Variants in GNAS observed in about 807,000 individuals in gnomAD.
GNAS encodes GNAS complex locus, also known as protein ALEX.
GNAS carries 8 observed loss-of-function variants against 54.5 expected under a neutral mutation model. That is an observed-to-expected ratio of 0.15 (90% confidence interval 0.09 to 0.26). GNAS has a LOEUF of 0.26. Among genes scored for constraint, GNAS ranks in the 10% least tolerant of loss-of-function variants. The pLI is 1.00. For synonymous variants in GNAS, 204 were observed against 191.4 expected (o/e 1.07, Z -0.54); for missense variants, 170 against 529.8 (o/e 0.32, Z 6.67).
At chr20:58,871,004 G>A (rs2087405829) in intron 1 of GNAS, among the ~76,000 whole-genome samples, 1 of 152,128 alleles carries the variant, frequency 6.6e-6, no homozygotes, top group Admixed American at 6.5e-5. Context: ...CATGAATCAT[G>A]GTGTGCAGTT....
chr20:58,896,212 G>A (rs1266901793), intron 2 of GNAS, among the ~76,000 whole-genome samples: 3 of 136,814 alleles, frequency 2.2e-5, no homozygotes, highest in Admixed American at 7.6e-5. Context: ...GTGGCAGCCC[G>A]TGTTTACAGT....
chr20:58,840,701 A>G (rs1343387357), upstream of GNAS: 2 of 1,604,214 alleles, frequency 1.2e-6, no homozygotes, highest in South Asian at 1.1e-5. The surrounding 1 kb of genome is among the most constrained non-coding windows in gnomAD (Gnocchi z 6.0). Flanking sequence ...GCCCGAGGAC[A>G]AAGATCCAAG....
At chr20:58,855,677 G>C in intron 1 of GNAS, 1 of 688,854 alleles carries the variant, frequency 1.5e-6, no homozygotes. Flanking sequence ...GGGGCCCCGG[G>C]GCCCCGGGAC....
At chr20:58,906,623 C>T (rs1459621480) in intron 6 of GNAS, among the ~76,000 whole-genome samples, 2 of 152,182 alleles carry the variant, frequency 1.3e-5, no homozygotes, top group Non-Finnish European at 2.9e-5. Context: ...CCTCTGCCTC[C>T]TGGGTTCAAG....
At chr20:58,889,881 A>G (rs1474909017), upstream of GNAS, among the ~76,000 whole-genome samples, 1 of 151,508 alleles carries the variant, frequency 6.6e-6, no homozygotes, top group Non-Finnish European at 1.5e-5. Flanking sequence ...CCGGGCCACC[A>G]TGCTGAAGAT....
chr20:58,857,634 C>T lies in GNAS; in HGVS notation c.43+16748C>T, dbSNP rs978619166. ...ATCTCCACTAAGGAATGCTTTTGCA[C>T]CATGATTTGAGTCTTCTATTCTTCC... On this transcript the variant is annotated intron_variant, in intron 1 of 12. Coordinates refer to the GNAS transcript ENST00000306090. This position sits in a 1 kb window ranked among gnomAD's most constrained non-coding sequence, Gnocchi z 4.1. Among the ~76,000 whole-genome samples the T allele has an allele frequency of 3.3e-5, 5 of 152,114 alleles. No individual in the cohort carries two copies. Among genetic ancestry groups the T allele is most frequent in the Non-Finnish European group, 5.9e-5 (4 of 68,032 alleles).
At chr20:58,893,298 C>T (rs1394900712) in intron 1 of GNAS, among the ~76,000 whole-genome samples, 2 of 151,750 alleles carry the variant, frequency 1.3e-5, no homozygotes, top group Admixed American at 6.6e-5. Flanking sequence ...GATGGCCTTT[C>T]CTCCTTTTTT....
chr20:58,858,103 G>T (rs2086591338), intron 1 of GNAS, among the ~76,000 whole-genome samples: 1 of 152,128 alleles, frequency 6.6e-6, no homozygotes, highest in South Asian at 2.1e-4. Context: ...ATTATTGATG[G>T]GGGACAGGGA....
At chr20:58,889,414 C>T (rs2088892572), upstream of GNAS, 1 of 977,554 alleles carries the variant, frequency 1.0e-6, no homozygotes, top group African/African-American at 1.8e-5. Context: ...CAGGCAAGAG[C>T]CGCCGGGTCC....
intron 1 of GNAS, chr20:58,852,891 A>G: frequency 2.2e-6 from 1 of 448,318 alleles, no homozygotes; most frequent in Non-Finnish European, 3.2e-6. Flanking sequence ...AGAGAGCGCT[A>G]CTGGCGATTT....
In GNAS at chr20:58,891,590, G is replaced by T. The variant is rs1355900229; in HGVS notation, c.-137G>T. ...CGGCCCGCGGCCCGCAGTCCGCCCC[G>T]CGCGCTCCTTGCCGAGGAGCCGAGC... On this transcript the variant is annotated 5_prime_UTR_variant, in exon 1 of 13. Transcript: ENST00000371085. The T allele has an allele frequency of 1.4e-5, 14 of 969,664 alleles. No individual in the cohort carries two copies. The highest frequency in any genetic ancestry group is 1.6e-5 in the Non-Finnish European group (13 of 821,854). The allele number at this position is 969,664 out of a possible 1,614,324, so 60.1% of individuals were successfully genotyped here.
In GNAS at chr20:58,873,492, T is replaced by C. The variant is rs1159374802; in HGVS notation, c.44-22120T>C. Among the ~76,000 whole-genome samples, 2 of 152,234 alleles carry C rather than the reference T, an allele frequency of 1.3e-5. No individual in the cohort carries two copies. The highest frequency in any genetic ancestry group is 4.8e-5 in the African/African-American group (2 of 41,460). On this transcript the variant is annotated intron_variant, in intron 1 of 12. Transcript: ENST00000306090. The surrounding 1 kb of genome is among the most constrained non-coding windows in gnomAD (Gnocchi z 4.3). ...GCATGGAATCCTGCCCAGTCCTTGG[T>C]ACACAGGGACTAGCACATGTACCCA... is the stretch of plus-strand genomic sequence containing the variant.
At chr20:58,901,961 T>G (rs887023899) in intron 3 of GNAS, among the ~76,000 whole-genome samples, 2 of 151,610 alleles carry the variant, frequency 1.3e-5, no homozygotes, top group Non-Finnish European at 2.9e-5. Context: ...TCTGGAGAGA[T>G]TATATGTTTT....
intron 1 of GNAS, chr20:58,855,211 G>T (rs2086417022): frequency 1.3e-6 from 2 of 1,599,544 alleles, no homozygotes; most frequent in East Asian, 2.3e-5. Flanking sequence ...AGACAGATGC[G>T]CAAAGAAGCC....
chr20:58,908,433 G>A (rs1014559041), intron 6 of GNAS, among the ~76,000 whole-genome samples: 4 of 151,858 alleles, frequency 2.6e-5, no homozygotes, highest in African/African-American at 9.7e-5. Context: ...GGCGAGAAGG[G>A]CCCCTTTGTG....
upstream of GNAS, chr20:58,890,930 C>A (rs1014257306): frequency 1.3e-5 from 2 of 152,068 alleles, no homozygotes; most frequent in African/African-American, 4.8e-5. Context: ...CGAAAATTTT[C>A]CTAAGTCCGG....
chr20:58,850,252 T>A (rs967357123), intron 1 of GNAS, among the ~76,000 whole-genome samples: 2 of 152,358 alleles, frequency 1.3e-5, no homozygotes, highest in South Asian at 4.1e-4. Context: ...TCCATTTGTA[T>A]GCTGCTCTAC....
upstream of GNAS, chr20:58,889,238 C>A (rs1476346449): frequency 6.8e-6 from 8 of 1,185,044 alleles, no homozygotes; most frequent in African/African-American, 5.0e-5. Flanking sequence ...CGGCGCTCCC[C>A]TGCTCTCTGG....
chr20:58,897,088 C>T lies in GNAS; in HGVS notation c.212+1404C>T, dbSNP rs2057290. 5.7e-3 allele frequency among the ~76,000 whole-genome samples: 871 copies of T among 152,318 alleles called. 15 individuals carry two copies. Among genetic ancestry groups the T allele is most frequent in the African/African-American group, 0.02 (830 of 41,574 alleles). On this transcript the variant is annotated intron_variant, in intron 2 of 12. Coordinates refer to ENST00000371085, the MANE Select transcript of GNAS (RefSeq NM_000516.7). ...GTTGAGGATGCTTTTTCTACTTTAA[C>T]CCTGAATTCAGAAGGATTGGTTGGG...
Sources: gnomAD v4.1 joint callset for allele counts (sites outside exome capture counted in the v4.1 genomes callset) on GRCh38, gnomAD v4.1.1 for gene constraint, Gnocchi (gnomAD v3.1) non-coding constraint, MANE v1.5 for transcripts, NCBI Gene and HGNC (gene_info 2026-07-23, HGNC 2026-07-21) for gene names.